MTREX: variants seen among roughly 807,000 people sequenced by gnomAD.
MTREX encodes the protein exosome RNA helicase MTR4.
A neutral mutation model predicts 135.4 loss-of-function variants in MTREX; 76 were observed. That is an observed-to-expected ratio of 0.56 (90% confidence interval 0.47 to 0.68). MTREX has a LOEUF of 0.68. Among genes scored for constraint, MTREX ranks in the 30% least tolerant of loss-of-function variants. The pLI, the probability that MTREX is intolerant of heterozygous loss-of-function variation, is 0.00. For synonymous variants in MTREX, 404 were observed against 401.6 expected (o/e 1.01, Z -0.07); for missense variants, 920 against 1,262.1 (o/e 0.73, Z 4.11).
intron 20 of MTREX, among the ~76,000 whole-genome samples, chr5:55,398,948 A>G (rs1279262789): frequency 2.0e-5 from 3 of 152,214 alleles, no homozygotes; most frequent in African/African-American, 7.2e-5. Flanking sequence ...AGAATTGGGG[A>G]AATTAGCCTG....
intron 25 of MTREX, among the ~76,000 whole-genome samples, chr5:55,417,331 T>C (rs897660172): frequency 3.3e-5 from 5 of 152,168 alleles, no homozygotes; most frequent in Non-Finnish European, 7.3e-5. Flanking sequence ...GTAGATATTA[T>C]CTCCACTTTG....
At chr5:55,407,614 C>T (rs1300422191) in intron 22 of MTREX, among the ~76,000 whole-genome samples, 1 of 152,140 alleles carries the variant, frequency 6.6e-6, no homozygotes, top group Admixed American at 6.5e-5. Flanking sequence ...CTTCTCTCAC[C>T]CATTTTGCCT....
At chr5:55,347,238 A>G in intron 11 of MTREX, 94 bp downstream of exon 11, 1 of 1,272,646 alleles carries the variant, frequency 7.9e-7, no homozygotes, top group Admixed American at 2.3e-5. Context: ...TATTACTAGG[A>G]TATGCCATTC....
intron 5 of MTREX, among the ~76,000 whole-genome samples, chr5:55,333,760 TTGTTATAATGTAGAA>T (rs1005980200): frequency 5.3e-5 from 8 of 152,274 alleles, no homozygotes; most frequent in African/African-American, 9.6e-5. Flanking sequence ...AATGTAGAAT[TTGTTATAATGTAGAA>T]TGTTATAATG....
At chr5:55,373,089 G>C (rs1339828389) in intron 16 of MTREX, among the ~76,000 whole-genome samples, 1 of 150,466 alleles carries the variant, frequency 6.6e-6, no homozygotes, top group East Asian at 1.9e-4. Flanking sequence ...ATTTAAGGCA[G>C]GGTTGTTTAT....
chr5:55,377,847 C>T (rs2112098409), intron 16 of MTREX, among the ~76,000 whole-genome samples: 1 of 152,156 alleles, frequency 6.6e-6, no homozygotes, highest in Non-Finnish European at 1.5e-5. Context: ...TTTTTCTCCC[C>T]AAGGCAGGAA....
At chr5:55,309,915 G>C (rs780278169) in intron 1 of MTREX, among the ~76,000 whole-genome samples, 4 of 152,096 alleles carry the variant, frequency 2.6e-5, no homozygotes, top group Non-Finnish European at 4.4e-5. Flanking sequence ...TAGTCTACTC[G>C]CATTAAGTTG....
chr5:55,346,285 C>T (rs1749731314), intron 10 of MTREX, among the ~76,000 whole-genome samples: 1 of 152,164 alleles, frequency 6.6e-6, no homozygotes, highest in South Asian at 2.1e-4. Flanking sequence ...CATTTCCTTC[C>T]AGGAATGTGT....
intron 21 of MTREX, among the ~76,000 whole-genome samples, chr5:55,400,937 C>T (rs1750714334): frequency 1.3e-5 from 2 of 152,188 alleles, no homozygotes; most frequent in African/African-American, 4.8e-5. Flanking sequence ...TGTCTGCTGT[C>T]TTTCAGTTAG....
At chr5:55,366,650 C>A in intron 15 of MTREX, 75 bp from the exon 16 acceptor site, 3 of 1,087,398 alleles carry the variant, frequency 2.8e-6, no homozygotes, top group African/African-American at 1.6e-5. Context: ...TGTTATTGAG[C>A]ATTATAGTAG....
Position 55,378,360 on chromosome 5 carries a change from T to A in MTREX, c.1857T>A (p.Asn619Lys). ...AGTATAATAAAATAGTAATTCCCAA[T>A]GAAGAAAGTGTGGTTATCTATTATA... is the stretch of plus-strand genomic sequence containing the variant. ...EEQYNKIVIP[N>K]EESVVIYYKI... The change falls in exon 17 of 27, where the codon AAT becomes AAA. Residue 619 changes from asparagine (N) to lysine (K), a missense_variant. By Grantham distance (94) the Asn-to-Lys change is moderately conservative. Coordinates refer to ENST00000230640, the MANE Select transcript of MTREX (RefSeq NM_015360.5). 1.2e-6 allele frequency: 2 copies of A among 1,608,160 alleles called. No individual in the cohort carries two copies. Among genetic ancestry groups the A allele is most frequent in the Non-Finnish European group, 1.7e-6 (2 of 1,178,492 alleles).
intron 1 of MTREX, among the ~76,000 whole-genome samples, chr5:55,311,191 G>A (rs942438001): frequency 6.6e-6 from 1 of 152,026 alleles, no homozygotes; most frequent in Non-Finnish European, 1.5e-5. Context: ...CCAATATCAA[G>A]TCATGATCAG....
intron 16 of MTREX, among the ~76,000 whole-genome samples, chr5:55,376,608 G>A (rs1318502767): frequency 6.6e-6 from 1 of 152,264 alleles, no homozygotes; most frequent in South Asian, 2.1e-4. Flanking sequence ...TTAATGAAAT[G>A]GCACTAGTTC....
chr5:55,346,965 G>A, intron 10 of MTREX, 48 bp from the exon 11 acceptor site: 1 of 1,443,420 alleles, frequency 6.9e-7, no homozygotes, highest in East Asian at 2.4e-5. Context: ...ATTTAGATCT[G>A]TGATCTATTT....
chr5:55,363,751 C>T (rs892557245), intron 15 of MTREX, among the ~76,000 whole-genome samples: 1 of 152,112 alleles, frequency 6.6e-6, no homozygotes, highest in African/African-American at 2.4e-5. Context: ...ATTTTAGCTC[C>T]TATTTGTTTA....
At chr5:55,396,552 C>T (rs1750650323) in intron 19 of MTREX, among the ~76,000 whole-genome samples, 1 of 152,120 alleles carries the variant, frequency 6.6e-6, no homozygotes, top group Admixed American at 6.5e-5. Context: ...AAGAAAAAAA[C>T]TGCTGTTAAT....
At position 55,405,503 on chromosome 5, in the gene MTREX, C is replaced by T. The variant is rs371492220; in HGVS notation, c.2560C>T (p.Arg854Cys). ...CCTACAAATGGATGAACTCAAATGT[C>T]GCAAACGTGTTTTAAGAAGGTTGGG... ...TVLQMDELKC[R>C]KRVLRRLGFA... The change falls in exon 22 of 27, where the codon CGC (arginine) becomes TGC (cysteine). Residue 854 changes from arginine (R) to cysteine (C), a missense_variant. Arg to Cys is a radical substitution (Grantham distance 180, BLOSUM62 -3). Transcript: ENST00000230640. 1.5e-5 allele frequency: 24 copies of T among 1,613,710 alleles called. No homozygotes were observed. Among genetic ancestry groups the T allele is most frequent in the East Asian group, 4.5e-5 (2 of 44,858 alleles).
intron 5 of MTREX, among the ~76,000 whole-genome samples, chr5:55,333,138 T>A (rs1338058213): frequency 1.1e-4 from 16 of 152,202 alleles, no homozygotes; most frequent in Admixed American, 1.0e-3. Context: ...CTTCCAGACC[T>A]TGGCTTAGCT....
At chr5:55,356,120 C>T (rs1749908263) in intron 14 of MTREX, among the ~76,000 whole-genome samples, 1 of 152,242 alleles carries the variant, frequency 6.6e-6, no homozygotes, top group African/African-American at 2.4e-5. Context: ...ACTCTTGTCA[C>T]ATATGGCCCA....
Sources: gnomAD v4.1 joint callset for allele counts (sites outside exome capture counted in the v4.1 genomes callset) on GRCh38, gnomAD v4.1.1 for gene constraint, MANE v1.5 for transcripts, NCBI Gene and HGNC (gene_info 2026-07-23, HGNC 2026-07-21) for gene names.